The following TIAM2 variants were observed in gnomAD, a reference collection of about 807,000 sequenced individuals.
The protein encoded by TIAM2 is rho guanine nucleotide exchange factor TIAM2.
Under a neutral mutation model 152.9 loss-of-function variants are expected in TIAM2, and 80 were observed. That is an observed-to-expected ratio of 0.52 (90% CI 0.44 to 0.63). The LOEUF (loss-of-function observed/expected upper bound fraction) is 0.63. TIAM2 is among the 30% of genes least tolerant of loss of function. The pLI, the probability that TIAM2 is intolerant of heterozygous loss-of-function variation, is 0.00. For synonymous variants in TIAM2, 804 were observed against 838.0 expected (o/e 0.96, Z 0.70); for missense variants, 1,965 against 2,120.1 (o/e 0.93, Z 1.44).
intron 8 of TIAM2, among the ~76,000 whole-genome samples, chr6:155,164,816 C>A (rs1462888626): frequency 6.6e-6 from 1 of 152,180 alleles, no homozygotes; most frequent in Non-Finnish European, 1.5e-5. Flanking sequence ...TAGAGTCCAG[C>A]AGCTAGTGGA....
chr6:155,071,658 A>G (rs1384454350), intron 1 of TIAM2, among the ~76,000 whole-genome samples: 1 of 152,128 alleles, frequency 6.6e-6, no homozygotes, highest in African/African-American at 2.4e-5. Flanking sequence ...TAATCCGAGC[A>G]CTTTCAGAGG....
At chr6:155,072,897 G>T (rs372568329) in intron 1 of TIAM2, among the ~76,000 whole-genome samples, 2 of 152,294 alleles carry the variant, frequency 1.3e-5, no homozygotes, top group South Asian at 2.1e-4. Context: ...GGAGCCTCAA[G>T]AAGTTGCATC....
chr6:155,049,069 G>A (rs1777267059), intron 1 of TIAM2, among the ~76,000 whole-genome samples: 1 of 152,156 alleles, frequency 6.6e-6, no homozygotes. Flanking sequence ...CCAAAGTGCT[G>A]AGATTACAGA....
chr6:155,075,365 C>G (rs62427466), intron 1 of TIAM2, among the ~76,000 whole-genome samples: 1 of 151,290 alleles, frequency 6.6e-6, no homozygotes, highest in Non-Finnish European at 1.5e-5. Flanking sequence ...AAAAAAAACC[C>G]AACAACCAAC....
At chr6:155,204,783 G>A (rs1031229795) in intron 14 of TIAM2, among the ~76,000 whole-genome samples, 1 of 152,058 alleles carries the variant, frequency 6.6e-6, no homozygotes, top group Non-Finnish European at 1.5e-5. Context: ...GGCTTTTTCC[G>A]ATGCGGTGAC....
At chr6:155,236,364 T>C (rs1782759133) in intron 15 of TIAM2, among the ~76,000 whole-genome samples, 2 of 151,916 alleles carry the variant, frequency 1.3e-5, no homozygotes, top group Admixed American at 6.6e-5. Flanking sequence ...GGAGTTTTTT[T>C]AAGAAACACC....
intron 12 of TIAM2, among the ~76,000 whole-genome samples, chr6:155,181,246 A>G (rs565625811): frequency 8.5e-5 from 13 of 152,290 alleles, no homozygotes; most frequent in African/African-American, 2.4e-4. Flanking sequence ...CTAAGTCAGG[A>G]GCCATGCATT....
chr6:155,093,442 G>T (rs1467967594), intron 2 of TIAM2, among the ~76,000 whole-genome samples: 1 of 152,196 alleles, frequency 6.6e-6, no homozygotes. Context: ...GCTTAGCTTA[G>T]CAAGTGGTAA....
chr6:155,039,151 G>A (rs1317719830), intron 1 of TIAM2, among the ~76,000 whole-genome samples: 1 of 151,414 alleles, frequency 6.6e-6, no homozygotes. Flanking sequence ...GTGTGGAGAC[G>A]GGGTTTGCCA....
chr6:155,052,105 A>C (rs1381511379), intron 1 of TIAM2, among the ~76,000 whole-genome samples: 1 of 152,060 alleles, frequency 6.6e-6, no homozygotes, highest in African/African-American at 2.4e-5. Context: ...CTCCTTTAGC[A>C]CTTGTTACCT....
intron 2 of TIAM2, among the ~76,000 whole-genome samples, chr6:155,121,421 T>A (rs1243341936): frequency 6.6e-6 from 1 of 152,222 alleles, no homozygotes; most frequent in South Asian, 2.1e-4. Flanking sequence ...GCAGATATTT[T>A]TATCCTCAAG....
chr6:155,049,076 CA>C (rs1215159965), intron 1 of TIAM2, among the ~76,000 whole-genome samples: 10 of 152,152 alleles, frequency 6.6e-5, no homozygotes, highest in African/African-American at 2.4e-4. Context: ...GCTGAGATTA[CA>C]GATGTGAGCC....
Position 155,034,539 on chromosome 6 carries a change from G to A in TIAM2, c.-209+39047G>A, listed in dbSNP as rs559237283. Among the ~76,000 whole-genome samples the A allele has an allele frequency of 3.3e-5, 5 of 152,328 alleles. No homozygotes were observed. The East Asian group carries it at 9.6e-4, about 29-fold the overall frequency. On this transcript the variant is annotated intron_variant, in intron 1 of 26. Transcript: ENST00000682666. ...CAAAGTGCTGGGATTACAGGCGTGA[G>A]CCAAAGCGCCTGGCTAGGTCCAGTA...
At chr6:155,195,594 G>A (rs1424170391) in intron 14 of TIAM2, among the ~76,000 whole-genome samples, 2 of 152,100 alleles carry the variant, frequency 1.3e-5, no homozygotes, top group Non-Finnish European at 2.9e-5. Flanking sequence ...CAGAGTAAGC[G>A]GGAACCTCAC....
intron 2 of TIAM2, among the ~76,000 whole-genome samples, chr6:155,117,845 C>G (rs1779051256): frequency 6.6e-6 from 1 of 152,230 alleles, no homozygotes; most frequent in Non-Finnish European, 1.5e-5. Context: ...ATGGTGTCAT[C>G]TCTCACACTT....
At chr6:155,165,146 A>C in intron 8 of TIAM2, 117 bp from the exon 9 acceptor site, 1 of 1,089,128 alleles carries the variant, frequency 9.2e-7, no homozygotes. Flanking sequence ...TCAGACATGC[A>C]GGAGCTTTTG....
At chr6:155,242,237 G>A (rs1783069138) in intron 16 of TIAM2, among the ~76,000 whole-genome samples, 1 of 152,224 alleles carries the variant, frequency 6.6e-6, no homozygotes, top group African/African-American at 2.4e-5. Context: ...TGACTGCCAG[G>A]CCCCAACACC....
chr6:155,219,922 A>G (rs1435875436), intron 15 of TIAM2, among the ~76,000 whole-genome samples: 1 of 152,252 alleles, frequency 6.6e-6, no homozygotes, highest in African/African-American at 2.4e-5. Flanking sequence ...ACAGCGTTCC[A>G]AGCAAGTGGC....
rs191375040 is a variant in TIAM2, at chr6:155,176,982, C to T, written c.2523+5C>T. The stretch of plus-strand genomic sequence containing the variant: ...ATTTTGACTTTGGCATGCAAGGTAA[C>T]GGATTTTGCTGCAGAAATATATTTC... On this transcript the variant is annotated splice_donor_5th_base_variant and intron_variant, in intron 10 of 26. Transcript: ENST00000682666. The T allele has an allele frequency of 1.7e-4, 275 of 1,600,524 alleles. No individual in the cohort carries two copies. Among genetic ancestry groups the T allele is most frequent in the East Asian group, 7.2e-4 (32 of 44,496 alleles).
Sources: allele counts gnomAD v4.1 joint callset (sites outside exome capture counted in the v4.1 genomes callset), GRCh38; gene constraint gnomAD v4.1.1; transcripts MANE v1.5; gene names NCBI Gene and HGNC (gene_info 2026-07-23, HGNC 2026-07-21).